FBXO42: variants seen among roughly 807,000 people sequenced by gnomAD.
FBXO42 encodes F-box only protein 42.
Under a neutral mutation model 71.7 loss-of-function variants are expected in FBXO42, and 12 were observed. The observed-to-expected ratio is 0.17, with a 90% CI of 0.11 to 0.27. The LOEUF is 0.27. Among genes scored for constraint, FBXO42 ranks in the 10% least tolerant of loss-of-function variants. The pLI, the probability that FBXO42 is intolerant of heterozygous loss-of-function variation, is 1.00. For synonymous variants in FBXO42, 325 were observed against 327.5 expected (o/e 0.99, Z 0.08); for missense variants, 707 against 911.9 (o/e 0.78, Z 2.89).
chr1:16,352,031 G>C (rs990162029), intron 1 of FBXO42, among the ~76,000 whole-genome samples: 1 of 152,150 alleles, frequency 6.6e-6, no homozygotes, highest in Non-Finnish European at 1.5e-5. Flanking sequence ...AGAGGGGGTG[G>C]GTTCGCTCCC....
intron 4 of FBXO42, among the ~76,000 whole-genome samples, chr1:16,276,532 G>C (rs918803980): frequency 6.6e-6 from 1 of 152,112 alleles, no homozygotes; most frequent in Non-Finnish European, 1.5e-5. Context: ...AAACCAAGAG[G>C]GTCATTCCTG....
chr1:16,311,776 T>G (rs2082315753), intron 2 of FBXO42, among the ~76,000 whole-genome samples: 1 of 151,978 alleles, frequency 6.6e-6, no homozygotes, highest in African/African-American at 2.4e-5. Flanking sequence ...GAGTACAAAA[T>G]GGTTCAGCCA....
At chr1:16,327,103 T>C (rs1273486378) in intron 1 of FBXO42, among the ~76,000 whole-genome samples, 1 of 152,212 alleles carries the variant, frequency 6.6e-6, no homozygotes, top group Non-Finnish European at 1.5e-5. Flanking sequence ...ATTATCTTTG[T>C]ACATCTGGCA....
At chr1:16,316,417 T>C (rs1296444594) in intron 1 of FBXO42, among the ~76,000 whole-genome samples, 2 of 152,016 alleles carry the variant, frequency 1.3e-5, no homozygotes, top group South Asian at 2.1e-4. Flanking sequence ...CTGTTTTTAA[T>C]AGTGGTTATT....
At chr1:16,285,844 C>T (rs2082016360) in intron 4 of FBXO42, among the ~76,000 whole-genome samples, 1 of 152,078 alleles carries the variant, frequency 6.6e-6, no homozygotes, top group South Asian at 2.1e-4. Context: ...CTCCCAGACT[C>T]AATCCTTACA....
chr1:16,272,505 C>T (rs1178399144), intron 4 of FBXO42, among the ~76,000 whole-genome samples: 7 of 152,052 alleles, frequency 4.6e-5, no homozygotes, highest in Non-Finnish European at 8.8e-5. Flanking sequence ...GTGATCCACC[C>T]GCCTTGGCCT....
intron 4 of FBXO42, among the ~76,000 whole-genome samples, chr1:16,273,025 C>T (rs937396950): frequency 1.3e-5 from 2 of 152,152 alleles, no homozygotes; most frequent in Non-Finnish European, 2.9e-5. Context: ...TACTCCTTAG[C>T]TAGTATCTCC....
At chr1:16,315,459 T>A in intron 1 of FBXO42, 24 bp from the exon 2 acceptor site, 1 of 1,599,984 alleles carries the variant, frequency 6.3e-7, no homozygotes, top group South Asian at 1.1e-5. Flanking sequence ...AACATAAATA[T>A]CAGTATTCCA....
chr1:16,324,314 G>T (rs2082433245), intron 1 of FBXO42, among the ~76,000 whole-genome samples: 1 of 152,068 alleles, frequency 6.6e-6, no homozygotes. Context: ...CCCACACAGG[G>T]TACAAAAAGA....
intron 3 of FBXO42, among the ~76,000 whole-genome samples, chr1:16,297,830 G>A (rs937887279): frequency 1.4e-5 from 2 of 142,386 alleles, no homozygotes; most frequent in Admixed American, 7.4e-5. Context: ...TCCCGCCACC[G>A]CACTCCAGCC....
chr1:16,309,160 C>T (rs2082286775), intron 2 of FBXO42, among the ~76,000 whole-genome samples: 1 of 142,872 alleles, frequency 7.0e-6, no homozygotes, highest in Non-Finnish European at 1.5e-5. Flanking sequence ...CTCCAACTCC[C>T]AGATTCAAGC....
At chr1:16,299,577 A>T (rs1487952453) in intron 3 of FBXO42, among the ~76,000 whole-genome samples, 1 of 152,214 alleles carries the variant, frequency 6.6e-6, no homozygotes, top group Non-Finnish European at 1.5e-5. Flanking sequence ...GAGTCAGTTT[A>T]GGCAGCTATA....
intron 6 of FBXO42, among the ~76,000 whole-genome samples, chr1:16,255,211 A>G (rs894443987): frequency 2.0e-5 from 3 of 152,212 alleles, no homozygotes; most frequent in Admixed American, 6.5e-5. Context: ...CTATATAACT[A>G]TGATTTTATA....
At chr1:16,296,156 G>T (rs1023625920) in intron 3 of FBXO42, among the ~76,000 whole-genome samples, 2 of 152,144 alleles carry the variant, frequency 1.3e-5, no homozygotes, top group Admixed American at 1.3e-4. Flanking sequence ...TGGAAATGAC[G>T]ATCACATTCC....
At chr1:16,269,988 TG>T (rs2081822321) in intron 4 of FBXO42, among the ~76,000 whole-genome samples, 1 of 152,108 alleles carries the variant, frequency 6.6e-6, no homozygotes, top group South Asian at 2.1e-4. Context: ...TCCAAGTAGA[TG>T]GGACCACAGA....
At chr1:16,257,433 C>T (rs1237288087) in intron 4 of FBXO42, among the ~76,000 whole-genome samples, 1 of 152,098 alleles carries the variant, frequency 6.6e-6, no homozygotes, top group East Asian at 1.9e-4. Context: ...AACCATAAGT[C>T]TTACACCAAA....
intron 1 of FBXO42, among the ~76,000 whole-genome samples, chr1:16,339,885 C>T (rs1021289115): frequency 1.3e-5 from 2 of 152,128 alleles, no homozygotes; most frequent in Non-Finnish European, 2.9e-5. Flanking sequence ...CCTGGGAAAT[C>T]CAGGCTGCAG....
intron 1 of FBXO42, among the ~76,000 whole-genome samples, chr1:16,351,411 T>C (rs1482588777): frequency 1.3e-5 from 2 of 152,316 alleles, no homozygotes; most frequent in Non-Finnish European, 1.5e-5. Context: ...AATCTTCATC[T>C]AGATCGATCA....
chr1:16,316,308 G>A (rs922188273), intron 1 of FBXO42, among the ~76,000 whole-genome samples: 2 of 151,882 alleles, frequency 1.3e-5, no homozygotes, highest in East Asian at 1.9e-4. Flanking sequence ...TGTTTACCCC[G>A]AGATAACTTT....
Sources: gnomAD v4.1 joint callset for allele counts (sites outside exome capture counted in the v4.1 genomes callset) on GRCh38, gnomAD v4.1.1 for gene constraint, MANE v1.5 for transcripts, NCBI Gene and HGNC (gene_info 2026-07-23, HGNC 2026-07-21) for gene names.